LARGE1: variants seen among roughly 807,000 people sequenced by gnomAD.
The protein encoded by LARGE1 is LARGE xylosyl- and glucuronyltransferase 1, also known as xylosyl- and glucuronyltransferase LARGE1.
Under a neutral mutation model 87.6 loss-of-function variants are expected in LARGE1, and 43 were observed. That is an observed-to-expected ratio of 0.49 (90% CI 0.38 to 0.63). LARGE1 has a LOEUF of 0.63. Among genes scored for constraint, LARGE1 ranks in the 30% least tolerant of loss-of-function variants. The probability of loss-of-function intolerance (pLI) is 0.00; values close to 1 mark genes in which losing one functional copy is unlikely to be tolerated. For synonymous variants in LARGE1, 434 were observed against 394.6 expected (o/e 1.10, Z -1.18); for missense variants, 802 against 1,000.2 (o/e 0.80, Z 2.67).
At chr22:33,333,013 C>CTTTTTTTTTTTTTTT (rs113084979) in intron 10 of LARGE1, among the ~76,000 whole-genome samples, 2,582 of 140,122 alleles carry the variant, frequency 0.018, 176 homozygotes, top group African/African-American at 0.069. Flanking sequence ...GGGCAATGTC[C>CTTTTTTTTTTTTTTT]TTTTTTTTTT....
intron 6 of LARGE1, among the ~76,000 whole-genome samples, chr22:33,463,583 A>G (rs557603748): frequency 2.6e-5 from 4 of 152,226 alleles, no homozygotes; most frequent in Non-Finnish European, 5.9e-5. Context: ...ATGTGTGTGT[A>G]TGTGTATTTG....
At chr22:33,448,108 A>C (rs1033105950) in intron 6 of LARGE1, among the ~76,000 whole-genome samples, 1 of 152,104 alleles carries the variant, frequency 6.6e-6, no homozygotes, top group African/African-American at 2.4e-5. Context: ...GGGGGTGTGG[A>C]ATGATTATTT....
chr22:33,134,255 CTTTT>C, the LARGE1 span, among the ~76,000 whole-genome samples: 37,120 of 123,926 alleles, frequency 0.3, 3,978 homozygotes, highest in South Asian at 0.44. Context: ...AAAGAACTCC[CTTTT>C]TTTTTTTTTT....
At chr22:33,639,734 G>A (rs548798139) in intron 3 of LARGE1, among the ~76,000 whole-genome samples, 22 of 152,260 alleles carry the variant, frequency 1.4e-4, no homozygotes, top group African/African-American at 5.3e-4. Context: ...GAACCGGAAA[G>A]GCAAGAAAAA....
chr22:33,491,403 G>C (rs187250060), intron 6 of LARGE1, among the ~76,000 whole-genome samples: 4 of 152,296 alleles, frequency 2.6e-5, no homozygotes, highest in Admixed American at 6.5e-5. Flanking sequence ...TGCATGGAGG[G>C]TCAGACAGAA....
At chr22:33,356,834 A>G (rs1434501088) in intron 9 of LARGE1, among the ~76,000 whole-genome samples, 1 of 152,176 alleles carries the variant, frequency 6.6e-6, no homozygotes, top group African/African-American at 2.4e-5. Flanking sequence ...AAGACAGAAC[A>G]GAGGAGTAGG....
At chr22:33,347,622 TC>T (rs2146704785) in intron 9 of LARGE1, among the ~76,000 whole-genome samples, 1 of 152,320 alleles carries the variant, frequency 6.6e-6, no homozygotes, top group East Asian at 1.9e-4. Flanking sequence ...TTTTCACAAG[TC>T]CTTTTCCTTG....
intron 10 of LARGE1, among the ~76,000 whole-genome samples, chr22:33,324,002 CG>C (rs1936994383): frequency 6.6e-6 from 1 of 152,026 alleles, no homozygotes; most frequent in South Asian, 2.1e-4. Flanking sequence ...GAAGCTGAGG[CG>C]GGTGGATCAC....
chr22:33,486,520 G>GAGAGAGAGAC (rs2069581254), intron 6 of LARGE1, among the ~76,000 whole-genome samples: 2 of 142,938 alleles, frequency 1.4e-5, no homozygotes, highest in African/African-American at 5.4e-5. Flanking sequence ...AGAAGAGACA[G>GAGAGAGAGAC]AGAGAGAGAC....
At chr22:33,794,806 A>G (rs62225447) in intron 1 of LARGE1, among the ~76,000 whole-genome samples, 11,489 of 152,016 alleles carry the variant, frequency 0.076, 530 homozygotes, top group Admixed American at 0.11. Context: ...TTTTAGTAGA[A>G]ATAGGGTTTC....
chr22:33,654,039 A>G (rs567957733), intron 2 of LARGE1, among the ~76,000 whole-genome samples: 1 of 152,288 alleles, frequency 6.6e-6, no homozygotes, highest in Non-Finnish European at 1.5e-5. Flanking sequence ...GCTTAAGAGA[A>G]ATGCTATCGA....
intron 2 of LARGE1, among the ~76,000 whole-genome samples, chr22:33,730,992 G>A (rs2083446673): frequency 6.9e-6 from 1 of 144,062 alleles, no homozygotes; most frequent in East Asian, 2.1e-4. Flanking sequence ...ACTGCGCCCA[G>A]CCTGCAATTT....
chr22:33,480,301 T>C (rs1167722320), intron 6 of LARGE1, among the ~76,000 whole-genome samples: 1 of 152,196 alleles, frequency 6.6e-6, no homozygotes, highest in Non-Finnish European at 1.5e-5. Context: ...ATGATCCTAA[T>C]GTCAGAAATG....
chr22:33,081,156 T>C, the LARGE1 span, among the ~76,000 whole-genome samples: 7 of 152,236 alleles, frequency 4.6e-5, no homozygotes, highest in Non-Finnish European at 1.0e-4. Flanking sequence ...AGTGGCCATC[T>C]ACTAGTCAGG....
chr22:33,720,270 G>A (rs1349781611), intron 2 of LARGE1, among the ~76,000 whole-genome samples: 2 of 152,082 alleles, frequency 1.3e-5, no homozygotes, highest in Non-Finnish European at 2.9e-5. Flanking sequence ...GTTCACAATA[G>A]GGTTTGCAAT....
At chr22:33,455,018 TC>T (rs1399442200) in intron 6 of LARGE1, among the ~76,000 whole-genome samples, 2 of 152,172 alleles carry the variant, frequency 1.3e-5, no homozygotes, top group African/African-American at 2.4e-5. Flanking sequence ...CTAAAAGCAA[TC>T]CACAGATAAG....
At chr22:33,390,756 C>A (rs1014402314) in intron 7 of LARGE1, among the ~76,000 whole-genome samples, 4 of 150,586 alleles carry the variant, frequency 2.7e-5, no homozygotes, top group African/African-American at 9.8e-5. Context: ...GTGAGTGGCA[C>A]GATCTCAGCT....
At chr22:33,121,193 T>C in the LARGE1 span, among the ~76,000 whole-genome samples, 1 of 152,160 alleles carries the variant, frequency 6.6e-6, no homozygotes, top group South Asian at 2.1e-4. Flanking sequence ...TTTTGTTTTT[T>C]TCCCCCAACA....
chr22:33,698,808 CT>C (rs1304932542), intron 2 of LARGE1, among the ~76,000 whole-genome samples: 2 of 152,222 alleles, frequency 1.3e-5, no homozygotes, highest in African/African-American at 4.8e-5. Context: ...CGTGCATCCT[CT>C]CGATATTTGT....
Sources: gnomAD v4.1 joint callset for allele counts (sites outside exome capture counted in the v4.1 genomes callset) on GRCh38, gnomAD v4.1.1 for gene constraint, MANE v1.5 for transcripts, NCBI Gene and HGNC (gene_info 2026-07-23, HGNC 2026-07-21) for gene names.